The following GALNT18 variants were observed in gnomAD, a reference collection of about 807,000 sequenced individuals.
GALNT18 encodes the protein GalNAc-transferase 18.
A neutral mutation model predicts 69.5 loss-of-function variants in GALNT18; 44 were observed. The ratio of observed to expected loss-of-function variants is 0.63; its 90% CI spans 0.50 to 0.81. GALNT18 has a LOEUF of 0.81. Ranked by LOEUF, GALNT18 falls within the 40% of genes least tolerant of loss-of-function variation. The pLI, the probability that GALNT18 is intolerant of heterozygous loss-of-function variation, is 0.00. For synonymous variants in GALNT18, 364 were observed against 318.2 expected (o/e 1.14, Z -1.53); for missense variants, 715 against 810.0 (o/e 0.88, Z 1.42).
intron 1 of GALNT18, among the ~76,000 whole-genome samples, chr11:11,457,143 G>A (rs911446368): frequency 3.3e-5 from 5 of 152,206 alleles, no homozygotes; most frequent in African/African-American, 9.6e-5. Flanking sequence ...TGCTTCAGTG[G>A]GCAGTCCACA....
At chr11:11,331,056 T>G (rs1850009521) in intron 8 of GALNT18, among the ~76,000 whole-genome samples, 1 of 152,206 alleles carries the variant, frequency 6.6e-6, no homozygotes, top group African/African-American at 2.4e-5. Flanking sequence ...TAGCTTGCTA[T>G]GGGTGGAGTG....
rs759784088 is a variant in GALNT18, at chr11:11,271,167, C to T, written c.1801G>A (p.Val601Ile). ...GGTCAGGACGCGAGGCTCCTCAGGACGTTGGTGATGCTCCAGTGCTGGCCC... is the reference window on the plus strand; with the variant it reads ...GGTCAGGACGCGAGGCTCCTCAGGATGTTGGTGATGCTCCAGTGCTGGCCC... The part of the protein sequence containing the change: ...CSGQHWSITN[V>I]LRSLAS Residue 601 changes from valine (V) to isoleucine (I), a missense_variant, in exon 11 of 11, where the codon GTC becomes ATC. Coordinates refer to ENST00000227756, the MANE Select transcript of GALNT18 (RefSeq NM_198516.3). 3.0e-5 allele frequency: 49 copies of T among 1,613,634 alleles called. No individual in the cohort carries two copies. The highest frequency in any genetic ancestry group is 3.3e-5 in the South Asian group (3 of 91,076).
At chr11:11,349,816 A>C (rs2133065213) in intron 6 of GALNT18, among the ~76,000 whole-genome samples, 1 of 152,334 alleles carries the variant, frequency 6.6e-6, no homozygotes, top group South Asian at 2.1e-4. Flanking sequence ...AAAAAATCTG[A>C]CAATGCTTAT....
chr11:11,292,129 C>A (rs78340848), intron 10 of GALNT18, among the ~76,000 whole-genome samples: 1,528 of 152,274 alleles, frequency 0.01, 28 homozygotes, highest in African/African-American at 0.035. Context: ...CCGAACTTCC[C>A]TGGGAGTGTC....
Position 11,621,655 on chromosome 11 carries a change from C to G in GALNT18, c.-62G>C, listed in dbSNP as rs1860197553. 7.7e-7 allele frequency: 1 copy of G among 1,297,364 alleles called. No individual in the cohort carries two copies. The highest frequency in any genetic ancestry group is 1.1e-6 in the Non-Finnish European group (1 of 926,998). 80.4% of individuals were successfully genotyped at this position (1,297,364 alleles called of 1,614,324 possible). A position where few individuals can be genotyped will look rare whatever the true frequency, so the allele number is the denominator to read the frequency against. On this transcript the variant is annotated 5_prime_UTR_variant, in exon 1 of 11. Transcript: ENST00000227756. This position sits in a 1 kb window ranked among gnomAD's most constrained non-coding sequence, Gnocchi z 9.3. ...CCTTCCTTGTCGTGCGCCCCGAACT[C>G]CCCCGCGCTCGCACCCCGTAGCACG... is the stretch of plus-strand genomic sequence containing the variant.
In GALNT18 at chr11:11,309,837, T is replaced by G. The variant is rs549276874; in HGVS notation, c.1513-16644A>C. On this transcript the variant is annotated intron_variant, in intron 9 of 10. Transcript: ENST00000227756. The surrounding 1 kb of genome is among the most constrained non-coding windows in gnomAD (Gnocchi z 4.6). ...CCTGCAAACTTGTTCCTCCTGGGCC[T>G]CAGCAGAAGTTCATTTCCTGTGCTC... Among the ~76,000 whole-genome samples the G allele has an allele frequency of 2.0e-5, 3 of 152,200 alleles. No individual in the cohort carries two copies. Among genetic ancestry groups the G allele is most frequent in the Non-Finnish European group, 4.4e-5 (3 of 68,034 alleles).
rs914448646 is a variant in GALNT18, at chr11:11,542,315, C to A, written c.235+79044G>T. Among the ~76,000 whole-genome samples, 1 of 152,182 alleles carries A rather than the reference C, an allele frequency of 6.6e-6. No homozygotes were observed. The highest frequency in any genetic ancestry group is 1.5e-5 in the Non-Finnish European group (1 of 68,040). On this transcript the variant is annotated intron_variant, in intron 1 of 10. Transcript: ENST00000227756. This position sits in a 1 kb window ranked among gnomAD's most constrained non-coding sequence, Gnocchi z 4.3. ...CTTTCTCCCTACCAGATAGAGCAAGCCATGGACAGACGCCTCCATGCTACC... is the reference window on the plus strand; with the variant it reads ...CTTTCTCCCTACCAGATAGAGCAAGACATGGACAGACGCCTCCATGCTACC...
rs1855732185 is a variant in GALNT18 at position 11,449,100 on chromosome 11, A to G, written c.236-164T>C. Among the ~76,000 whole-genome samples, 2 of 152,214 alleles carry G rather than the reference A, an allele frequency of 1.3e-5. 1 individual carries two copies. Among genetic ancestry groups the G allele is most frequent in the South Asian group, 4.1e-4 (2 of 4,832 alleles). On this transcript the variant is annotated intron_variant, in intron 1 of 10. Coordinates refer to ENST00000227756, the MANE Select transcript of GALNT18 (RefSeq NM_198516.3). ...TTTCATGCTTCCCAAAGACCCATTC[A>G]TCCATGAATCCATCCATTCATCTAA...
chr11:11,363,446 C>A (rs890907446), intron 6 of GALNT18, among the ~76,000 whole-genome samples: 1 of 152,038 alleles, frequency 6.6e-6, no homozygotes, highest in East Asian at 1.9e-4. Context: ...ATAAATTAAA[C>A]CATTTATCAT....
intron 1 of GALNT18, among the ~76,000 whole-genome samples, chr11:11,485,226 C>T (rs1444682401): frequency 6.6e-6 from 1 of 152,192 alleles, no homozygotes; most frequent in Non-Finnish European, 1.5e-5. Context: ...TCCATTCCGA[C>T]CCCATCTACC....
intron 9 of GALNT18, among the ~76,000 whole-genome samples, chr11:11,299,231 G>T (rs1410636190): frequency 6.6e-6 from 1 of 152,062 alleles, no homozygotes; most frequent in Non-Finnish European, 1.5e-5. Flanking sequence ...TGCAACCTCC[G>T]CCTCCCAGGT....
chr11:11,549,622 T>C (rs1035591238), intron 1 of GALNT18, among the ~76,000 whole-genome samples: 1 of 152,242 alleles, frequency 6.6e-6, no homozygotes, highest in Non-Finnish European at 1.5e-5. Context: ...TGATTTCCAC[T>C]GGCTAGCTTT....
Position 11,595,739 on chromosome 11 carries a change from C to T in GALNT18, c.235+25620G>A, listed in dbSNP as rs1418662425. On this transcript the variant is annotated intron_variant, in intron 1 of 10. Coordinates refer to ENST00000227756, the MANE Select transcript of GALNT18 (RefSeq NM_198516.3). The surrounding 1 kb of genome is among the most constrained non-coding windows in gnomAD (Gnocchi z 5.2). The stretch of plus-strand genomic sequence containing the variant: ...CCTATTTTTTAATTGTGTCATTTAT[C>T]ACCTTTACTATTGCATTATGAGTTT... Among the ~76,000 whole-genome samples the T allele has an allele frequency of 6.6e-6, 1 of 152,180 alleles. No individual in the cohort carries two copies. The highest frequency in any genetic ancestry group is 2.4e-5 in the African/African-American group (1 of 41,452).
rs183362208 is a variant in GALNT18, at chr11:11,352,740, G to A, written c.1093-11736C>T. 7.4e-5 allele frequency: 120 copies of A among 1,614,080 alleles called. No homozygotes were observed. The African/African-American group carries it at 9.6e-4, about 13-fold the overall frequency. On this transcript the variant is annotated intron_variant, in intron 6 of 10. Transcript: ENST00000227756. ...AAATCGAATATCATAGTCTGTTAACGTCTGGTACAATTGCTTGAAGTCTGT... is the reference window on the plus strand; with the variant it reads ...AAATCGAATATCATAGTCTGTTAACATCTGGTACAATTGCTTGAAGTCTGT...
intron 3 of GALNT18, among the ~76,000 whole-genome samples, chr11:11,410,519 G>A (rs915161549): frequency 3.3e-5 from 5 of 152,134 alleles, no homozygotes; most frequent in African/African-American, 9.7e-5. Flanking sequence ...AGGGCACATC[G>A]GTGGTATTTT....
rs1859995349 is a variant in GALNT18 at position 11,614,370 on chromosome 11, AG to A, written c.235+6988del. Among the ~76,000 whole-genome samples the A allele has an allele frequency of 1.4e-5, 2 of 145,244 alleles. No homozygotes were observed. The highest frequency in any genetic ancestry group is 5.6e-5 in the African/African-American group (2 of 35,754). ...TGAGGAGAAGAAGAAGAAGAGGAGG[AG>A]GAGGAGGAGGAGGAGGAGGAGGAGG... On this transcript the variant is annotated intron_variant, in intron 1 of 10. Coordinates refer to ENST00000227756, the MANE Select transcript of GALNT18 (RefSeq NM_198516.3). This position sits in a 1 kb window ranked among gnomAD's most constrained non-coding sequence, Gnocchi z 5.6.
intron 3 of GALNT18, among the ~76,000 whole-genome samples, chr11:11,390,365 C>G (rs1854157878): frequency 6.6e-6 from 1 of 152,204 alleles, no homozygotes; most frequent in East Asian, 1.9e-4. Flanking sequence ...TCACCTGCAG[C>G]TCTAGAAGGG....
At chr11:11,495,889 C>T (rs967964489) in intron 1 of GALNT18, among the ~76,000 whole-genome samples, 2 of 152,242 alleles carry the variant, frequency 1.3e-5, no homozygotes, top group African/African-American at 4.8e-5. Context: ...AGGTCCTCCT[C>T]TCAAGGCAGT....
At chr11:11,527,264 T>C (rs1018835052) in intron 1 of GALNT18, among the ~76,000 whole-genome samples, 3 of 152,330 alleles carry the variant, frequency 2.0e-5, no homozygotes, top group Non-Finnish European at 4.4e-5. Flanking sequence ...GAAGAAAATC[T>C]GGCACAGAAC....
Sources: gnomAD v4.1 joint callset for allele counts (sites outside exome capture counted in the v4.1 genomes callset) on GRCh38, gnomAD v4.1.1 for gene constraint, Gnocchi (gnomAD v3.1) non-coding constraint, MANE v1.5 for transcripts, NCBI Gene and HGNC (gene_info 2026-07-23, HGNC 2026-07-21) for gene names.